The following GOLM2 variants were observed in gnomAD, a reference collection of about 807,000 sequenced individuals.
The protein encoded by GOLM2 is protein GOLM2.
Under a neutral mutation model 55.9 loss-of-function variants are expected in GOLM2, and 26 were observed. That is an observed-to-expected ratio of 0.47 (90% CI 0.34 to 0.65). The LOEUF is 0.65. GOLM2 is among the 30% of genes least tolerant of loss of function. The pLI is 0.01. For synonymous variants in GOLM2, 165 were observed against 194.6 expected, an observed-to-expected ratio of 0.85 and a Z score of 1.27; for missense variants, 486 against 531.8, an observed-to-expected ratio of 0.91 and a Z score of 0.85.
At chr15:44,334,509 C>T (rs1156478941) in intron 4 of GOLM2, among the ~76,000 whole-genome samples, 2 of 152,102 alleles carry the variant, frequency 1.3e-5, no homozygotes, top group Admixed American at 1.3e-4. Context: ...TTGCTGCCTG[C>T]TTTCGTACTG....
chr15:44,367,117 A>T (rs2079290900), intron 6 of GOLM2, among the ~76,000 whole-genome samples: 1 of 152,006 alleles, frequency 6.6e-6, no homozygotes, highest in South Asian at 2.1e-4. Flanking sequence ...AAACATAGAC[A>T]TACTCATTTG....
intron 6 of GOLM2, among the ~76,000 whole-genome samples, chr15:44,339,830 A>C (rs1336022411): frequency 1.3e-5 from 2 of 151,150 alleles, no homozygotes; most frequent in Admixed American, 6.6e-5. Context: ...TTATTTTTTT[A>C]TTTTTGTGAT....
Position 44,415,004 on chromosome 15 carries a change from G to A in GOLM2, c.*1598G>A, listed in dbSNP as rs2079664109. The A allele has an allele frequency of 1.3e-5, 2 of 152,708 alleles. No individual in the cohort carries two copies. The highest frequency in any genetic ancestry group is 2.4e-5 in the African/African-American group (1 of 41,572). 9.5% of individuals were successfully genotyped at this position (152,708 alleles called of 1,614,324 possible). On this transcript the variant is annotated 3_prime_UTR_variant, in exon 10 of 10. Transcript: ENST00000299957. ...AACCCTGTTTTTCAGAAGGGCTACT[G>A]TTAATTGCACATAAACATGAAATGT...
At chr15:44,382,830 G>C (rs1231249043) in intron 8 of GOLM2, among the ~76,000 whole-genome samples, 1 of 151,308 alleles carries the variant, frequency 6.6e-6, no homozygotes, top group Non-Finnish European at 1.5e-5. Flanking sequence ...GGCTGAGGCA[G>C]GAGAATCACT....
Position 44,415,210 on chromosome 15 carries a change from T to C in GOLM2, c.*1804T>C, listed in dbSNP as rs1418959099. ...TTTCTACCATATCAAATTAAACAAT[T>C]CATGCCTTTATAGGGTCAGGCCTAC... On this transcript the variant is annotated 3_prime_UTR_variant, in exon 10 of 10. Transcript: ENST00000299957. 6.6e-6 allele frequency: 1 copy of C among 152,646 alleles called. No individual in the cohort carries two copies. The highest frequency in any genetic ancestry group is 1.9e-4 in the East Asian group (1 of 5,196). 9.5% of individuals were successfully genotyped at this position (152,646 alleles called of 1,614,324 possible). A position where few individuals can be genotyped will look rare whatever the true frequency, so the allele number is the denominator to read the frequency against.
intron 6 of GOLM2, among the ~76,000 whole-genome samples, chr15:44,363,623 G>T (rs1165579659): frequency 3.9e-5 from 6 of 152,186 alleles, no homozygotes; most frequent in Non-Finnish European, 2.9e-5. Flanking sequence ...AACCATTGTG[G>T]AAGCAGTGTG....
chr15:44,295,737 T>G (rs1428788947), intron 1 of GOLM2, among the ~76,000 whole-genome samples: 1 of 152,186 alleles, frequency 6.6e-6, no homozygotes, highest in African/African-American at 2.4e-5. Flanking sequence ...ACATCCTTGG[T>G]GTCTTTTCCT....
intron 9 of GOLM2, among the ~76,000 whole-genome samples, chr15:44,410,231 G>A (rs1297219005): frequency 2.6e-5 from 4 of 152,122 alleles, no homozygotes; most frequent in Non-Finnish European, 4.4e-5. Context: ...GAGGTCAGAA[G>A]TTCGAGACCA....
At chr15:44,343,751 G>A (rs1195688080) in intron 6 of GOLM2, among the ~76,000 whole-genome samples, 2 of 151,546 alleles carry the variant, frequency 1.3e-5, no homozygotes, top group Non-Finnish European at 2.9e-5. Flanking sequence ...CTTGAGCCCA[G>A]GAGGCAGAGC....
Position 44,410,811 on chromosome 15 carries a change from A to G in GOLM2, c.1241-2525A>G, listed in dbSNP as rs377606179. Among the ~76,000 whole-genome samples, 5 of 146,814 alleles carry G rather than the reference A, an allele frequency of 3.4e-5. No individual in the cohort carries two copies. In the South Asian group the frequency reaches 9.0e-4, roughly 26 times the overall value. On this transcript the variant is annotated intron_variant, in intron 9 of 9. Transcript: ENST00000299957. ...TAGCTACTCAGAAAGTTGAAGTGGG[A>G]GGATCCCTTGAGCCCTGGGAAGTTG...
At chr15:44,313,472 T>C (rs1225099603) in intron 1 of GOLM2, among the ~76,000 whole-genome samples, 1 of 152,210 alleles carries the variant, frequency 6.6e-6, no homozygotes, top group African/African-American at 2.4e-5. Context: ...AATGTTATAG[T>C]TCATAGTTTT....
intron 6 of GOLM2, among the ~76,000 whole-genome samples, chr15:44,339,905 G>T (rs530083064): frequency 6.6e-6 from 1 of 151,808 alleles, no homozygotes; most frequent in Non-Finnish European, 1.5e-5. Flanking sequence ...CTGCAGCCTC[G>T]ATCTCCCGGG....
At chr15:44,323,582 C>G (rs2078964945) in intron 2 of GOLM2, among the ~76,000 whole-genome samples, 1 of 151,206 alleles carries the variant, frequency 6.6e-6, no homozygotes, top group African/African-American at 2.4e-5. Flanking sequence ...AAAAAAAAGC[C>G]CTGCAATCTG....
At chr15:44,381,310 T>C (rs2079401376) in intron 8 of GOLM2, among the ~76,000 whole-genome samples, 1 of 152,106 alleles carries the variant, frequency 6.6e-6, no homozygotes, top group Non-Finnish European at 1.5e-5. Context: ...AAATGAAAAC[T>C]TTGATTAGGG....
chr15:44,295,166 A>G (rs1041938994), intron 1 of GOLM2, among the ~76,000 whole-genome samples: 1 of 146,042 alleles, frequency 6.8e-6, no homozygotes. Flanking sequence ...TTCAACCTCC[A>G]CCCGCCGGGC....
At chr15:44,368,065 T>C (rs1391322897) in intron 6 of GOLM2, among the ~76,000 whole-genome samples, 2 of 152,114 alleles carry the variant, frequency 1.3e-5, no homozygotes, top group Non-Finnish European at 2.9e-5. Flanking sequence ...TTTATTCAGA[T>C]CAAATATGCA....
chr15:44,378,107 G>A (rs2079376686), intron 6 of GOLM2, among the ~76,000 whole-genome samples: 2 of 151,096 alleles, frequency 1.3e-5, no homozygotes, highest in African/African-American at 4.9e-5. Context: ...GGAGTGCAGT[G>A]GTGTGACCTC....
chr15:44,386,268 A>T (rs1410014012), intron 8 of GOLM2, among the ~76,000 whole-genome samples: 1 of 152,208 alleles, frequency 6.6e-6, no homozygotes, highest in Non-Finnish European at 1.5e-5. Flanking sequence ...CAGTTGTCCC[A>T]GCAACATTTA....
chr15:44,300,590 C>T (rs2078791020), intron 1 of GOLM2, among the ~76,000 whole-genome samples: 1 of 152,168 alleles, frequency 6.6e-6, no homozygotes, highest in Admixed American at 6.5e-5. Context: ...TTACTTACTC[C>T]ATAGAGGCAA....
Sources: gnomAD v4.1 joint callset for allele counts (sites outside exome capture counted in the v4.1 genomes callset) on GRCh38, gnomAD v4.1.1 for gene constraint, MANE v1.5 for transcripts, NCBI Gene and HGNC (gene_info 2026-07-23, HGNC 2026-07-21) for gene names.